The following PDZRN4 variants were observed in gnomAD, a reference collection of about 807,000 sequenced individuals.
PDZRN4 encodes PDZ domain-containing RING finger protein 4.
In PDZRN4, 70 loss-of-function variants were observed where a neutral mutation model predicts 99.0. That is an observed-to-expected ratio of 0.71 (90% CI 0.58 to 0.86). The LOEUF (loss-of-function observed/expected upper bound fraction) is 0.86, where lower values mean the gene tolerates loss of function less well. PDZRN4 is among the 40% of genes least tolerant of loss of function. The pLI, the probability that PDZRN4 is intolerant of heterozygous loss-of-function variation, is 0.00. For synonymous variants in PDZRN4, 551 were observed against 501.6 expected, an observed-to-expected ratio of 1.10 and a Z score of -1.32; for missense variants, 1,474 against 1,331.2, an observed-to-expected ratio of 1.11 and a Z score of -1.67.
intron 3 of PDZRN4, among the ~76,000 whole-genome samples, chr12:41,440,553 T>TTATA (rs1246043377): frequency 1.3e-5 from 2 of 152,066 alleles, no homozygotes; most frequent in Non-Finnish European, 2.9e-5. Flanking sequence ...GAGGTCAAGT[T>TTATA]TATATTTTGT....
At chr12:41,198,105 A>G (rs569529615) in intron 3 of PDZRN4, among the ~76,000 whole-genome samples, 6 of 151,646 alleles carry the variant, frequency 4.0e-5, no homozygotes, top group South Asian at 2.1e-4. Flanking sequence ...TTCTGTAGAG[A>G]TGGGGTTTCA....
rs536543642 is a variant in PDZRN4 at position 41,200,803 on chromosome 12, TTC to T, written c.843+6617_843+6618del. Among the ~76,000 whole-genome samples, 43 of 152,278 alleles carry T rather than the reference TTC, an allele frequency of 2.8e-4. 1 individual carries two copies. The South Asian group carries it at 8.7e-3, about 31-fold the overall frequency. On this transcript the variant is annotated intron_variant, in intron 3 of 9. Transcript: ENST00000402685. ...GGCACCTGGCAACTCCTTTCTGTCT[TTC>T]TTATTCCCCTGCAACATTTATTTCC...
At chr12:41,567,289 T>C (rs1490531508) in intron 8 of PDZRN4, among the ~76,000 whole-genome samples, 1 of 152,194 alleles carries the variant, frequency 6.6e-6, no homozygotes, top group African/African-American at 2.4e-5. Flanking sequence ...AGCAGCCATC[T>C]TGTTGACATG....
intron 3 of PDZRN4, among the ~76,000 whole-genome samples, chr12:41,281,122 G>A (rs1381736456): frequency 6.6e-6 from 1 of 152,040 alleles, no homozygotes; most frequent in Non-Finnish European, 1.5e-5. Flanking sequence ...CAGGAGAAGG[G>A]CCTGACTGTT....
chr12:41,301,761 T>C (rs933360989), intron 3 of PDZRN4, among the ~76,000 whole-genome samples: 12 of 152,022 alleles, frequency 7.9e-5, no homozygotes, highest in African/African-American at 2.9e-4. Context: ...GGTATCAGGA[T>C]GCCTGGCACC....
At chr12:41,217,099 A>G (rs894736945) in intron 3 of PDZRN4, among the ~76,000 whole-genome samples, 2 of 152,100 alleles carry the variant, frequency 1.3e-5, no homozygotes, top group African/African-American at 4.8e-5. Flanking sequence ...ATAGGTTAGA[A>G]GCTAGTTTAA....
At chr12:41,527,863 G>C (rs285575) in intron 5 of PDZRN4, among the ~76,000 whole-genome samples, 1 of 151,940 alleles carries the variant, frequency 6.6e-6, no homozygotes, top group Non-Finnish European at 1.5e-5. Context: ...TCACTCTGAG[G>C]TTTTTCTATT....
At chr12:41,288,384 G>A (rs1185949616) in intron 3 of PDZRN4, among the ~76,000 whole-genome samples, 1 of 152,068 alleles carries the variant, frequency 6.6e-6, no homozygotes, top group African/African-American at 2.4e-5. Flanking sequence ...GATTCTCCTG[G>A]GTAATGTTTT....
At chr12:41,363,764 G>A (rs886789448) in intron 3 of PDZRN4, among the ~76,000 whole-genome samples, 15 of 152,156 alleles carry the variant, frequency 9.9e-5, no homozygotes, top group African/African-American at 2.4e-4. Flanking sequence ...GGTCCCTGTC[G>A]CTAGCAAAGG....
chr12:41,459,698 T>C (rs1952851531), intron 3 of PDZRN4, among the ~76,000 whole-genome samples: 2 of 152,232 alleles, frequency 1.3e-5, no homozygotes, highest in Admixed American at 6.5e-5. Flanking sequence ...CAACAGGCTC[T>C]AAATTGTGAA....
intron 3 of PDZRN4, among the ~76,000 whole-genome samples, chr12:41,481,248 G>T (rs1206368980): frequency 6.6e-6 from 1 of 151,992 alleles, no homozygotes; most frequent in Non-Finnish European, 1.5e-5. Flanking sequence ...AGTCATCTCT[G>T]TTTTTTCTCT....
chr12:41,335,029 A>G (rs1951763889), intron 3 of PDZRN4, among the ~76,000 whole-genome samples: 1 of 152,052 alleles, frequency 6.6e-6, no homozygotes, highest in African/African-American at 2.4e-5. Flanking sequence ...AATTATCTTG[A>G]TAGAGCTTCC....
Position 41,188,794 on chromosome 12 carries a change from C to T in PDZRN4, c.339C>T (p.Arg113=). ...HCDFGPARRL[R]SRGGCASGLG... ...ACTTCGGCCCTGCCCGCCGGCTCCG[C>T]AGCCGCGGGGGCTGCGCTTCGGGGC... Residue 113 remains arginine (R), a synonymous_variant, in exon 1 of 10, where the codon CGC becomes CGT. Coordinates refer to ENST00000402685, the MANE Select transcript of PDZRN4 (RefSeq NM_001164595.2). The T allele has an allele frequency of 7.4e-7, 1 of 1,357,456 alleles. No homozygotes were observed. The highest frequency in any genetic ancestry group is 9.4e-7 in the Non-Finnish European group (1 of 1,061,886). 84.1% of individuals were successfully genotyped at this position (1,357,456 alleles called of 1,614,324 possible).
chr12:41,500,152 C>T (rs541438657), intron 3 of PDZRN4, among the ~76,000 whole-genome samples: 3 of 152,066 alleles, frequency 2.0e-5, no homozygotes, highest in African/African-American at 4.8e-5. Flanking sequence ...CCTATTGTTG[C>T]TCTCTCTTAT....
At chr12:41,480,748 A>G (rs1038652442) in intron 3 of PDZRN4, among the ~76,000 whole-genome samples, 2 of 152,122 alleles carry the variant, frequency 1.3e-5, no homozygotes, top group African/African-American at 4.8e-5. Flanking sequence ...ACAGAAAGCA[A>G]GATAGGGGAG....
intron 4 of PDZRN4, among the ~76,000 whole-genome samples, chr12:41,508,753 A>T (rs1938252294): frequency 6.6e-6 from 1 of 152,146 alleles, no homozygotes; most frequent in Admixed American, 6.6e-5. Flanking sequence ...AGCCATAGAT[A>T]GTAGTGAGGA....
intron 3 of PDZRN4, among the ~76,000 whole-genome samples, chr12:41,248,996 T>C (rs574940412): frequency 6.6e-6 from 1 of 152,304 alleles, no homozygotes; most frequent in South Asian, 2.1e-4. Flanking sequence ...TAGATAGTTT[T>C]AGTGGACATT....
intron 3 of PDZRN4, among the ~76,000 whole-genome samples, chr12:41,488,239 C>A (rs528814882): frequency 6.6e-6 from 1 of 152,144 alleles, no homozygotes; most frequent in Non-Finnish European, 1.5e-5. Flanking sequence ...TGAAGCAGAG[C>A]ATTTGTAGAA....
chr12:41,444,405 G>A (rs1252098488), intron 3 of PDZRN4, among the ~76,000 whole-genome samples: 3 of 152,008 alleles, frequency 2.0e-5, no homozygotes, highest in Admixed American at 2.0e-4. Context: ...CTGGTATTGG[G>A]CCTCACAGTT....
Sources: allele counts gnomAD v4.1 joint callset (sites outside exome capture counted in the v4.1 genomes callset), GRCh38; gene constraint gnomAD v4.1.1; transcripts MANE v1.5; gene names NCBI Gene and HGNC (gene_info 2026-07-23, HGNC 2026-07-21).